Variants in RIMS4 observed in about 807,000 individuals in gnomAD.
RIMS4 encodes the protein regulating synaptic membrane exocytosis protein 4.
A neutral mutation model predicts 29.0 loss-of-function variants in RIMS4; 9 were observed. The observed-to-expected ratio is 0.31, with a 90% CI of 0.19 to 0.54. RIMS4 has a LOEUF of 0.54. Among genes scored for constraint, RIMS4 ranks in the 20% least tolerant of loss-of-function variants. The probability of loss-of-function intolerance (pLI) is 0.94; values close to 1 mark genes in which losing one functional copy is unlikely to be tolerated. For missense variants in RIMS4, 193 were observed against 365.7 expected (o/e 0.53, Z 3.85); for synonymous variants, 130 against 152.9 (o/e 0.85, Z 1.10).
chr20:44,771,099 G>C lies in RIMS4; in HGVS notation c.236+176C>G, dbSNP rs376383841. 6.6e-5 allele frequency among the ~76,000 whole-genome samples: 10 copies of C among 152,318 alleles called. No homozygotes were observed. The South Asian group carries it at 1.2e-3, about 19-fold the overall frequency. ...CAAGCAGCGGGGCTCGCTCTCCCTC[G>C]GGGCTTTGCTGTTACACTGCCTCCC... On this transcript the variant is annotated intron_variant, in intron 2 of 5. Coordinates refer to ENST00000372851, the MANE Select transcript of RIMS4 (RefSeq NM_182970.4).
In RIMS4 at chr20:44,782,791, G is replaced by A. The variant is rs1034082825; in HGVS notation, c.98-11378C>T. On this transcript the variant is annotated intron_variant, in intron 1 of 5. Transcript: ENST00000372851. ...AGGGAAAGAAATATGGCCTCTAACA[G>A]ACAGATGCTGCCAAACATGTAGGGG... 1.6e-4 allele frequency among the ~76,000 whole-genome samples: 24 copies of A among 152,294 alleles called. 1 individual carries two copies. The highest frequency in any genetic ancestry group is 3.4e-3 in the Middle Eastern group (1 of 294).
At chr20:44,769,836 CA>C (rs1210758487) in intron 2 of RIMS4, among the ~76,000 whole-genome samples, 2 of 152,200 alleles carry the variant, frequency 1.3e-5, no homozygotes, top group Admixed American at 1.3e-4. Context: ...TGAAGGGAAG[CA>C]AAAGTGGAGG....
chr20:44,800,056 C>A (rs917450031), intron 1 of RIMS4, among the ~76,000 whole-genome samples: 25 of 152,180 alleles, frequency 1.6e-4, no homozygotes, highest in African/African-American at 5.3e-4. Flanking sequence ...AGTCACACAG[C>A]CAATAAGCGG....
At chr20:44,805,846 T>A (rs758566989) in intron 1 of RIMS4, among the ~76,000 whole-genome samples, 6 of 151,736 alleles carry the variant, frequency 4.0e-5, no homozygotes, top group Non-Finnish European at 7.4e-5. Flanking sequence ...GAACTCTGAT[T>A]CTCCCTGCCA....
chr20:44,789,624 G>A (rs941837773), intron 1 of RIMS4, among the ~76,000 whole-genome samples: 11 of 151,968 alleles, frequency 7.2e-5, no homozygotes, highest in African/African-American at 2.2e-4. Flanking sequence ...TGACACAATC[G>A]CAGCTCACTT....
intron 1 of RIMS4, among the ~76,000 whole-genome samples, chr20:44,801,738 G>A (rs1312575701): frequency 4.6e-5 from 7 of 152,036 alleles, no homozygotes; most frequent in Non-Finnish European, 7.4e-5. Context: ...GAGGGCCTAC[G>A]TGTTAAACCT....
Position 44,805,835 on chromosome 20 carries a change from G to A in RIMS4, c.97+4340C>T, listed in dbSNP as rs780356179. ...GTGCCTGGGGGTGTGGAGAGAAATC[G>A]GAACTCTGATTCTCCCTGCCAGGAT... On this transcript the variant is annotated intron_variant, in intron 1 of 5. Transcript: ENST00000372851. Among the ~76,000 whole-genome samples, 10 of 151,622 alleles carry A rather than the reference G, an allele frequency of 6.6e-5. No individual in the cohort carries two copies. The East Asian group carries it at 1.4e-3, about 21-fold the overall frequency.
chr20:44,805,956 G>A (rs987296596), intron 1 of RIMS4, among the ~76,000 whole-genome samples: 4 of 152,170 alleles, frequency 2.6e-5, no homozygotes, highest in African/African-American at 2.4e-5. Context: ...GGAGCGGGGC[G>A]CTGTGGTACT....
chr20:44,793,904 T>C (rs1386175977), intron 1 of RIMS4, among the ~76,000 whole-genome samples: 3 of 152,030 alleles, frequency 2.0e-5, no homozygotes, highest in Admixed American at 1.3e-4. Flanking sequence ...ATTCTGTCTC[T>C]ACAAAAAAAA....
intron 1 of RIMS4, among the ~76,000 whole-genome samples, chr20:44,794,040 A>G (rs1267171488): frequency 6.6e-6 from 1 of 152,228 alleles, no homozygotes; most frequent in African/African-American, 2.4e-5. Flanking sequence ...GTGCACTCCA[A>G]GCCTGGGTGA....
intron 1 of RIMS4, among the ~76,000 whole-genome samples, chr20:44,799,180 G>A (rs904781061): frequency 1.3e-5 from 2 of 152,166 alleles, no homozygotes; most frequent in African/African-American, 2.4e-5. Flanking sequence ...GCACGCGCCT[G>A]TAGTCCCAGC....
At chr20:44,793,430 C>T (rs753332315) in intron 1 of RIMS4, among the ~76,000 whole-genome samples, 4 of 152,156 alleles carry the variant, frequency 2.6e-5, no homozygotes, top group Non-Finnish European at 4.4e-5. Flanking sequence ...CAGCCATGGT[C>T]CACCCTTTCT....
chr20:44,769,490 G>A (rs948279797), intron 2 of RIMS4, among the ~76,000 whole-genome samples: 1 of 152,154 alleles, frequency 6.6e-6, no homozygotes, highest in African/African-American at 2.4e-5. Context: ...CCAGGATTAG[G>A]ACCTGAGCTT....
chr20:44,793,347 A>C (rs1235206532), intron 1 of RIMS4, among the ~76,000 whole-genome samples: 2 of 152,198 alleles, frequency 1.3e-5, no homozygotes, highest in African/African-American at 4.8e-5. Context: ...AATGACCTTC[A>C]AGGCCAGGAC....
chr20:44,798,286 G>C (rs1238721069), intron 1 of RIMS4, among the ~76,000 whole-genome samples: 2 of 152,240 alleles, frequency 1.3e-5, no homozygotes, highest in African/African-American at 4.8e-5. Context: ...CAGAATGCTG[G>C]AAAGAACACA....
chr20:44,758,131 A>G lies in RIMS4; in HGVS notation c.290T>C (p.Leu97Pro). ...AAACTGTGCCGGCCCCATGCTTCCC[A>G]GGAAGTCACTGAACTGGGCGTCCGA... ...LASDAQFSDF[L>P]GSMGPAQFVG... The change falls in exon 3 of 6, where the codon CTG becomes CCG. Residue 97 changes from leucine to proline, a missense_variant. Leu to Pro is a moderately conservative substitution (Grantham distance 98, BLOSUM62 -3). Transcript: ENST00000372851. 1 of 1,613,842 alleles carries G rather than the reference A, an allele frequency of 6.2e-7. No homozygotes were observed. Among genetic ancestry groups the G allele is most frequent in the Non-Finnish European group, 8.5e-7 (1 of 1,179,862 alleles).
intron 1 of RIMS4, among the ~76,000 whole-genome samples, chr20:44,781,827 A>C (rs1453039124): frequency 1.3e-5 from 2 of 152,196 alleles, no homozygotes; most frequent in Non-Finnish European, 2.9e-5. Flanking sequence ...GGTTGTGGGC[A>C]AAAGGTAGAG....
intron 1 of RIMS4, among the ~76,000 whole-genome samples, chr20:44,805,932 C>G (rs963047964): frequency 6.6e-6 from 1 of 152,200 alleles, no homozygotes; most frequent in South Asian, 2.1e-4. Context: ...CATTTCCCCT[C>G]TGTCCAAAAA....
chr20:44,774,377 G>T (rs2066150620), intron 1 of RIMS4, among the ~76,000 whole-genome samples: 1 of 152,124 alleles, frequency 6.6e-6, no homozygotes, highest in Non-Finnish European at 1.5e-5. Context: ...TCAGTGGACT[G>T]GGAAAGGCAG....
Sources: gnomAD v4.1 joint callset for allele counts (sites outside exome capture counted in the v4.1 genomes callset) on GRCh38, gnomAD v4.1.1 for gene constraint, MANE v1.5 for transcripts, NCBI Gene and HGNC (gene_info 2026-07-23, HGNC 2026-07-21) for gene names.